The following TBC1D14 variants were observed in gnomAD, a reference collection of about 807,000 sequenced individuals.
TBC1D14 encodes the protein TBC1 domain family, member 14.
TBC1D14 carries 26 observed loss-of-function variants against 79.0 expected under a neutral mutation model. That is an observed-to-expected ratio of 0.33 (90% CI 0.24 to 0.46). The LOEUF is 0.46. Among genes scored for constraint, TBC1D14 ranks in the 20% least tolerant of loss-of-function variants. TBC1D14 has a pLI of 1.00. For missense variants in TBC1D14, 769 were observed against 887.6 expected, an observed-to-expected ratio of 0.87 and a Z score of 1.70; for synonymous variants, 394 against 349.9, an observed-to-expected ratio of 1.13 and a Z score of -1.40.
rs140913672 is a variant in TBC1D14 at position 7,032,684 on chromosome 4, G to A, written c.*2292G>A. 3 of 152,250 alleles carry A rather than the reference G, an allele frequency of 2.0e-5. No individual in the cohort carries two copies. Among genetic ancestry groups the A allele is most frequent in the African/African-American group, 7.2e-5 (3 of 41,520 alleles). 9.4% of individuals were successfully genotyped at this position (152,250 alleles called of 1,614,324 possible). ...CCCGGCCAGGGTCCCTTAACACCTC[G>A]GCACAGAGGCTGTTGGCAAGTGTAG... is the stretch of plus-strand genomic sequence containing the variant. On this transcript the variant is annotated 3_prime_UTR_variant, in exon 14 of 14. Coordinates refer to ENST00000409757, the MANE Select transcript of TBC1D14 (RefSeq NM_020773.3).
intron 1 of TBC1D14, among the ~76,000 whole-genome samples, chr4:6,913,417 A>G (rs1366456682): frequency 6.6e-6 from 1 of 152,250 alleles, no homozygotes; most frequent in Non-Finnish European, 1.5e-5. Flanking sequence ...GGCAACATTA[A>G]GGGAGCTGAG....
At chr4:7,016,840 G>C (rs1031792029) in intron 12 of TBC1D14, among the ~76,000 whole-genome samples, 17 of 152,234 alleles carry the variant, frequency 1.1e-4, no homozygotes, top group Non-Finnish European at 2.2e-4. Context: ...CTGGAGAATA[G>C]TGTTGTCTGC....
intron 3 of TBC1D14, 40 bp downstream of exon 3, chr4:6,967,464 G>T (rs781211629): frequency 6.2e-7 from 1 of 1,604,730 alleles, no homozygotes; most frequent in Non-Finnish European, 8.5e-7. Flanking sequence ...GCTGTTGGAT[G>T]TGTTTAGCAT....
At position 6,994,436 on chromosome 4, in the gene TBC1D14, A is replaced by G. The variant is rs775838463; in HGVS notation, c.962+134A>G. On this transcript the variant is annotated intron_variant, in intron 4 of 13. Transcript: ENST00000409757. ...AAGCCAGAATCACTTCTTATTCTCTATATTAACATGTGTTCTGTAATTATA... is the reference window on the plus strand; with the variant it reads ...AAGCCAGAATCACTTCTTATTCTCTGTATTAACATGTGTTCTGTAATTATA... 23 of 749,742 alleles carry G rather than the reference A, an allele frequency of 3.1e-5. No individual in the cohort carries two copies. In the Middle Eastern group the frequency reaches 8.7e-4, roughly 28 times the overall value. 46.4% of individuals were successfully genotyped at this position (749,742 alleles called of 1,614,324 possible).
intron 3 of TBC1D14, among the ~76,000 whole-genome samples, chr4:6,968,127 A>G (rs73088531): frequency 0.024 from 3,583 of 152,160 alleles, 140 homozygotes; most frequent in African/African-American, 0.081. Flanking sequence ...GTGTCGCGAC[A>G]TTGCCCCCAG....
intron 11 of TBC1D14, among the ~76,000 whole-genome samples, chr4:7,014,059 T>C (rs1489522614): frequency 3.3e-5 from 5 of 152,208 alleles, no homozygotes; most frequent in African/African-American, 1.2e-4. Context: ...TCCAGATACT[T>C]TTACACGTTC....
At chr4:6,979,790 T>C (rs1400863607) in intron 3 of TBC1D14, among the ~76,000 whole-genome samples, 1 of 152,182 alleles carries the variant, frequency 6.6e-6, no homozygotes, top group African/African-American at 2.4e-5. Flanking sequence ...ATAGGTCTAT[T>C]AATATTATAA....
At chr4:7,000,907 C>A (rs1719608560) in intron 6 of TBC1D14, among the ~76,000 whole-genome samples, 1 of 152,208 alleles carries the variant, frequency 6.6e-6, no homozygotes, top group Non-Finnish European at 1.5e-5. Context: ...GCCTGGGCCT[C>A]TGGTTCGTGG....
chr4:6,964,500 C>T (rs1422823415), intron 2 of TBC1D14, among the ~76,000 whole-genome samples: 1 of 152,224 alleles, frequency 6.6e-6, no homozygotes, highest in African/African-American at 2.4e-5. Context: ...ATGCCAGGTT[C>T]TTAGTGTCTT....
chr4:7,001,451 A>T, intron 7 of TBC1D14, 200 bp downstream of exon 7: 1 of 545,832 alleles, frequency 1.8e-6, no homozygotes. Flanking sequence ...CTGACAGCTC[A>T]GCGCAGGAGC....
At chr4:7,010,523 C>CT in intron 10 of TBC1D14, 130 bp from the exon 11 acceptor site, 1 of 1,127,762 alleles carries the variant, frequency 8.9e-7, no homozygotes, top group South Asian at 1.7e-5. Flanking sequence ...CGTTGGGTGG[C>CT]CGGAGGAGTG....
intron 3 of TBC1D14, among the ~76,000 whole-genome samples, chr4:6,969,492 G>A (rs1237965541): frequency 5.3e-5 from 8 of 152,004 alleles, no homozygotes; most frequent in East Asian, 3.9e-4. Context: ...TGCACGCTCC[G>A]CCTCCCGGAT....
Position 6,963,155 on chromosome 4 carries a change from C to T in TBC1D14, c.723-4149C>T, listed in dbSNP as rs370396680. The stretch of plus-strand genomic sequence containing the variant: ...TCCGGGAGGGCTCTGCAGAATGCCC[C>T]GAGGGCAAGTGCGAGGACTTCCCAT... On this transcript the variant is annotated intron_variant, in intron 2 of 13. Coordinates refer to ENST00000409757, the MANE Select transcript of TBC1D14 (RefSeq NM_020773.3). 2.4e-4 allele frequency among the ~76,000 whole-genome samples: 37 copies of T among 152,340 alleles called. No homozygotes were observed. The East Asian group carries it at 6.8e-3, about 28-fold the overall frequency.
chr4:6,934,270 G>A (rs1403372623), intron 2 of TBC1D14, among the ~76,000 whole-genome samples: 2 of 152,010 alleles, frequency 1.3e-5, no homozygotes, highest in African/African-American at 4.8e-5. Context: ...CAGCAAAAGC[G>A]AGAAGGCAGG....
At chr4:6,999,356 G>T (rs941306000) in intron 6 of TBC1D14, among the ~76,000 whole-genome samples, 154 bp downstream of exon 6, 9 of 151,808 alleles carry the variant, frequency 5.9e-5, no homozygotes, top group African/African-American at 2.2e-4. Context: ...CTCAGCCTGC[G>T]CCATCCCTTG....
At chr4:6,975,197 A>G (rs1716606769) in intron 3 of TBC1D14, among the ~76,000 whole-genome samples, 1 of 146,476 alleles carries the variant, frequency 6.8e-6, no homozygotes, top group South Asian at 2.1e-4. Flanking sequence ...TACAGGCATG[A>G]GCCGCCGCGC....
chr4:6,960,296 T>G (rs56324428), intron 2 of TBC1D14, among the ~76,000 whole-genome samples: 223 of 151,836 alleles, frequency 1.5e-3, no homozygotes, highest in Non-Finnish European at 2.7e-3. Context: ...TTTGCCATGT[T>G]TCCCAGGCTG....
intron 2 of TBC1D14, among the ~76,000 whole-genome samples, chr4:6,944,309 T>C (rs751458257): frequency 5.3e-5 from 8 of 152,068 alleles, no homozygotes; most frequent in Non-Finnish European, 1.0e-4. Context: ...TGCTTATTAA[T>C]GTCTTTGTAG....
intron 10 of TBC1D14, among the ~76,000 whole-genome samples, chr4:7,010,310 A>G (rs1252548672): frequency 6.6e-6 from 1 of 152,240 alleles, no homozygotes; most frequent in African/African-American, 2.4e-5. Context: ...ATGGTTTGAT[A>G]TTAAGCTTAT....
Sources: gnomAD v4.1 joint callset for allele counts (sites outside exome capture counted in the v4.1 genomes callset) on GRCh38, gnomAD v4.1.1 for gene constraint, MANE v1.5 for transcripts, NCBI Gene and HGNC (gene_info 2026-07-23, HGNC 2026-07-21) for gene names.